The following PPP1R12C variants were observed in gnomAD, a reference collection of about 807,000 sequenced individuals.
The protein encoded by PPP1R12C is leukocyte receptor cluster (LRC) encoded novel gene 3.
PPP1R12C carries 48 observed loss-of-function variants against 95.6 expected under a neutral mutation model. That is an observed-to-expected ratio of 0.50 (90% CI 0.40 to 0.64). The LOEUF (loss-of-function observed/expected upper bound fraction) is 0.64, where lower values mean the gene tolerates loss of function less well. Ranked by LOEUF, PPP1R12C falls within the 30% of genes least tolerant of loss-of-function variation. The pLI, the probability that PPP1R12C is intolerant of heterozygous loss-of-function variation, is 0.00. For synonymous variants in PPP1R12C, 480 were observed against 460.8 expected (o/e 1.04, Z -0.53); for missense variants, 1,057 against 1,083.3 (o/e 0.98, Z 0.34).
At chr19:55,097,422 C>T (rs2084931110) in intron 6 of PPP1R12C, among the ~76,000 whole-genome samples, 1 of 142,522 alleles carries the variant, frequency 7.0e-6, no homozygotes, top group Non-Finnish European at 1.5e-5. Flanking sequence ...CCCTTCCCCG[C>T]AGTTCACCAC....
At chr19:55,111,346 AAAAAAG>A (rs2085093910) in intron 3 of PPP1R12C, 1 of 152,212 alleles carries the variant, frequency 6.6e-6, no homozygotes. Flanking sequence ...AAACAAAAAC[AAAAAAG>A]AAAAAGCACT....
At chr19:55,097,586 G>GCACAGTT (rs1232659214) in intron 6 of PPP1R12C, among the ~76,000 whole-genome samples, 1 of 4,670 alleles carries the variant, frequency 2.1e-4, no homozygotes, top group Non-Finnish European at 5.0e-4. Context: ...CCCCTTCCCC[G>GCACAGTT]CGCAGTTCAC....
chr19:55,110,673 G>A (rs1366107140), intron 3 of PPP1R12C, among the ~76,000 whole-genome samples: 4 of 152,154 alleles, frequency 2.6e-5, no homozygotes, highest in Non-Finnish European at 4.4e-5. Flanking sequence ...AGGAGTTGGA[G>A]ACCAGCCTGG....
rs2085170125 is a variant in PPP1R12C at position 55,117,569 on chromosome 19, G to A, written c.-26C>T. On this transcript the variant is annotated 5_prime_UTR_variant, in exon 1 of 22. Coordinates refer to ENST00000263433, the MANE Select transcript of PPP1R12C (RefSeq NM_017607.4). The stretch of plus-strand genomic sequence containing the variant: ...CGCACCGCCCGCCCGCCCAGCGAGC[G>A]AGCGAGCGCCGAGCCCCAACCGCCG... 1 of 989,368 alleles carries A rather than the reference G, an allele frequency of 1.0e-6. No individual in the cohort carries two copies. Among genetic ancestry groups the A allele is most frequent in the Non-Finnish European group, 1.2e-6 (1 of 833,506 alleles). The allele number at this position is 989,368 out of a possible 1,614,324, so 61.3% of individuals were successfully genotyped here.
At position 55,103,403 on chromosome 19, in the gene PPP1R12C, ACTCAC is replaced by A. The variant is rs2147197119; in HGVS notation, c.731+1_731+5del. ...CAGCAAGATGGAACAGACTGGCCCA[ACTCAC>A]CTCATCACCTCAATGTAGCCCTTGG... On this transcript the variant is annotated splice_donor_variant and splice_donor_5th_base_variant and intron_variant, in intron 4 of 21. Transcript: ENST00000263433. LOFTEE classifies it high-confidence loss of function. The A allele has an allele frequency of 6.7e-7, 1 of 1,491,604 alleles. No homozygotes were observed. Among genetic ancestry groups the A allele is most frequent in the Non-Finnish European group, 9.0e-7 (1 of 1,106,440 alleles). The allele number at this position is 1,491,604 out of a possible 1,614,324, so 92.4% of individuals were successfully genotyped here. A position where few individuals can be genotyped will look rare whatever the true frequency, so the allele number is the denominator to read the frequency against.
In PPP1R12C at chr19:55,096,293, G is replaced by T; in HGVS notation, c.994C>A (p.Pro332Thr). ...KEASQSRGQE[P>T]QAPSSSKHRR... Reference sequence around the variant, plus strand: ...TGTTTGCTGCTAGAGGGCGCTTGGGGCTCCTGGCCCCGGCTCTGGGAAGCT... The same window carrying T: ...TGTTTGCTGCTAGAGGGCGCTTGGGTCTCCTGGCCCCGGCTCTGGGAAGCT... The change falls in exon 7 of 22, where the codon CCC becomes ACC. Residue 332 changes from proline to threonine, a missense_variant. By Grantham distance (38) the Pro-to-Thr change is conservative. Transcript: ENST00000263433. 1 of 1,613,796 alleles carries T rather than the reference G, an allele frequency of 6.2e-7. No individual in the cohort carries two copies. The highest frequency in any genetic ancestry group is 8.5e-7 in the Non-Finnish European group (1 of 1,179,928).
In PPP1R12C at chr19:55,112,996, TC is replaced by T. The variant is rs895748321; in HGVS notation, c.322-202del. 9 of 671,248 alleles carry T rather than the reference TC, an allele frequency of 1.3e-5. No homozygotes were observed. The African/African-American group carries it at 1.6e-4, about 12-fold the overall frequency. The allele number at this position is 671,248 out of a possible 1,614,324, so 41.6% of individuals were successfully genotyped here. A position where few individuals can be genotyped will look rare whatever the true frequency, so the allele number is the denominator to read the frequency against. ...GTCAGGCCGGCCAGGCCTTCAGTGC[TC>T]AGTGGAAACCACGAAAGGACTCCTG... On this transcript the variant is annotated intron_variant, in intron 1 of 21. Transcript: ENST00000263433.
intron 3 of PPP1R12C, among the ~76,000 whole-genome samples, chr19:55,107,536 A>G (rs1024099538): frequency 6.6e-6 from 1 of 152,128 alleles, no homozygotes; most frequent in Admixed American, 6.6e-5. Context: ...AAAAGGATGA[A>G]TTCATGTCCT....
chr19:55,104,199 T>TACACACAC (rs1555850741), intron 3 of PPP1R12C, among the ~76,000 whole-genome samples: 24 of 119,996 alleles, frequency 2.0e-4, no homozygotes, highest in African/African-American at 7.7e-4. Context: ...TATATATATA[T>TACACACAC]ACACACACAC....
rs139604961 is a variant in PPP1R12C, at chr19:55,103,391, C to T, written c.731+18G>A. 1.5e-4 allele frequency: 217 copies of T among 1,455,600 alleles called. No homozygotes were observed. In the African/African-American group the frequency reaches 3.0e-3, roughly 20 times the overall value. The allele number at this position is 1,455,600 out of a possible 1,614,324, so 90.2% of individuals were successfully genotyped here. A position where few individuals can be genotyped will look rare whatever the true frequency, so the allele number is the denominator to read the frequency against. ...GAAGGTATAAGACAGCAAGATGGAA[C>T]AGACTGGCCCAACTCACCTCATCAC... is the stretch of plus-strand genomic sequence containing the variant. On this transcript the variant is annotated intron_variant, in intron 4 of 21. Coordinates refer to ENST00000263433, the MANE Select transcript of PPP1R12C (RefSeq NM_017607.4).
chr19:55,098,854 T>C lies in PPP1R12C; in HGVS notation c.881A>G (p.Gln294Arg). 6.2e-7 allele frequency: 1 copy of C among 1,613,318 alleles called. No individual in the cohort carries two copies. The highest frequency in any genetic ancestry group is 8.5e-7 in the Non-Finnish European group (1 of 1,179,988). The stretch of plus-strand genomic sequence containing the variant: ...CTCATCGGCCAGGTCACAGGGACGC[T>C]GCCCCTGGGTCAGGGGAGGAGCAGG... ...GGMDSLTHAG[Q>R]RPCDLADEEV... is the part of the protein sequence containing the mutation. Residue 294 changes from glutamine to arginine, a missense_variant, in exon 6 of 22, where the codon CAG (glutamine) becomes CGG (arginine). Coordinates refer to ENST00000263433, the MANE Select transcript of PPP1R12C (RefSeq NM_017607.4).
chr19:55,091,982 C>CTGGG lies in PPP1R12C; in HGVS notation c.2161-77_2161-74dup, dbSNP rs201279173. 3,262 of 1,568,716 alleles carry CTGGG rather than the reference C, an allele frequency of 2.1e-3. 53 individuals are homozygous for CTGGG. In the African/African-American group the frequency reaches 0.038, roughly 18 times the overall value. ...TGCTCTGAAGGGTCCTAGGCTCCTG[C>CTGGG]TGGGCACCCGCCCGCCCACTAGGCA... On this transcript the variant is annotated intron_variant, in intron 19 of 21. Transcript: ENST00000263433.
At position 55,095,280 on chromosome 19, in the gene PPP1R12C, TG is replaced by T. The variant is rs1230341377; in HGVS notation, c.1454+10del. 1.9e-6 allele frequency: 3 copies of T among 1,565,456 alleles called. No homozygotes were observed. Among genetic ancestry groups the T allele is most frequent in the Non-Finnish European group, 2.6e-6 (3 of 1,155,296 alleles). ...ACCCACCCCTGAGGGGCCCAGGCCCTGGGGACTCACAGGACAGAGGGCTCCG... is the reference window on the plus strand; with the variant it reads ...ACCCACCCCTGAGGGGCCCAGGCCCTGGGACTCACAGGACAGAGGGCTCCG... On this transcript the variant is annotated intron_variant, in intron 11 of 21. Transcript: ENST00000263433.
rs2085112169 is a variant in PPP1R12C, at chr19:55,112,778, G to A, written c.339C>T (p.Asn113=). 2.5e-6 allele frequency: 4 copies of A among 1,612,862 alleles called. No individual in the cohort carries two copies. Among genetic ancestry groups the A allele is most frequent in the African/African-American group, 1.3e-5 (1 of 74,822 alleles). The stretch of plus-strand genomic sequence containing the variant: ...CCACCAAGAAGCGCACCACCTCCAG[G>A]TTCTCATCAATGCAGGCCTGGGGGT... ...SALHQACIDE[N]LEVVRFLVEQ... is the part of the protein sequence containing the mutation. Residue 113 remains asparagine (N), a synonymous_variant, in exon 2 of 22, where the codon AAC becomes AAT. Transcript: ENST00000263433.
chr19:55,104,217 C>T (rs1303558902), intron 3 of PPP1R12C, among the ~76,000 whole-genome samples: 2 of 112,568 alleles, frequency 1.8e-5, no homozygotes, highest in African/African-American at 6.6e-5. Context: ...CACACACATA[C>T]AAAAATATAA....
At position 55,092,531 on chromosome 19, in the gene PPP1R12C, C is replaced by T. The variant is rs2084856665; in HGVS notation, c.1966G>A (p.Gly656Ser). The change falls in exon 18 of 22, where the codon GGC (glycine) becomes AGC (serine). Residue 656 changes from glycine to serine, a missense_variant. Physicochemically the swap from Gly to Ser is moderately conservative, Grantham distance 56. Coordinates refer to ENST00000263433, the MANE Select transcript of PPP1R12C (RefSeq NM_017607.4). ...RSQESSTLEGGPSARRQRWQR... is the reference protein window; with the variant it reads ...RSQESSTLEGSPSARRQRWQR... ...CACCGCTGCCTGCGGGCCGAGGGGC[C>T]GCCCTCCAGGGTGCTGGGGCAGGGG... 6.2e-7 allele frequency: 1 copy of T among 1,605,090 alleles called. No individual in the cohort carries two copies. Among genetic ancestry groups the T allele is most frequent in the Non-Finnish European group, 8.5e-7 (1 of 1,176,466 alleles).
At chr19:55,103,251 TA>T (rs988720832) in intron 4 of PPP1R12C, among the ~76,000 whole-genome samples, 157 bp downstream of exon 4, 1 of 151,656 alleles carries the variant, frequency 6.6e-6, no homozygotes, top group African/African-American at 2.4e-5. Context: ...TGAATGACAA[TA>T]AAAAAAAGAC....
At position 55,109,413 on chromosome 19, in the gene PPP1R12C, C is replaced by G. The variant is rs571016540; in HGVS notation, c.571+3054G>C. ...GTGCCAGGCCTCAAATGGCCTTTTCCGGCCTGAGCCAGGAGGAACGGGTTT... is the reference window on the plus strand; with the variant it reads ...GTGCCAGGCCTCAAATGGCCTTTTCGGGCCTGAGCCAGGAGGAACGGGTTT... On this transcript the variant is annotated intron_variant, in intron 3 of 21. Coordinates refer to ENST00000263433, the MANE Select transcript of PPP1R12C (RefSeq NM_017607.4). The surrounding 1 kb of genome is among the most constrained non-coding windows in gnomAD (Gnocchi z 4.4). Among the ~76,000 whole-genome samples, 82 of 152,202 alleles carry G rather than the reference C, an allele frequency of 5.4e-4. No homozygotes were observed. Among genetic ancestry groups the G allele is most frequent in the Non-Finnish European group, 1.0e-3 (71 of 68,030 alleles).
rs2084998923 is a variant in PPP1R12C at position 55,103,373 on chromosome 19, T to TA, written c.731+35dup. 3 of 1,422,298 alleles carry TA rather than the reference T, an allele frequency of 2.1e-6. No individual in the cohort carries two copies. In the East Asian group the frequency reaches 7.8e-5, roughly 37 times the overall value. 88.1% of individuals were successfully genotyped at this position (1,422,298 alleles called of 1,614,324 possible). A position where few individuals can be genotyped will look rare whatever the true frequency, so the allele number is the denominator to read the frequency against. ...AAAGGACAAGATCCACAGGAAGGTA[T>TA]AAGACAGCAAGATGGAACAGACTGG... On this transcript the variant is annotated intron_variant, in intron 4 of 21. Coordinates refer to ENST00000263433, the MANE Select transcript of PPP1R12C (RefSeq NM_017607.4).
Sources: allele counts gnomAD v4.1 joint callset (sites outside exome capture counted in the v4.1 genomes callset), GRCh38; gene constraint gnomAD v4.1.1; non-coding constraint Gnocchi (gnomAD v3.1); transcripts MANE v1.5; gene names NCBI Gene and HGNC (gene_info 2026-07-23, HGNC 2026-07-21).